The following LMOD1 variants were observed in gnomAD, a reference collection of about 807,000 sequenced individuals.
LMOD1 encodes leiomodin-1.
LMOD1 carries 8 observed loss-of-function variants against 36.5 expected under a neutral mutation model. That is an observed-to-expected ratio of 0.22 (90% CI 0.13 to 0.40). The LOEUF is 0.40. Ranked by LOEUF, LMOD1 falls within the 10% of genes least tolerant of loss-of-function variation. The pLI is 1.00. For synonymous variants in LMOD1, 284 were observed against 288.7 expected (o/e 0.98, Z 0.17); for missense variants, 630 against 751.1 (o/e 0.84, Z 1.88).
chr1:201,918,701 G>A (rs1346795003), intron 1 of LMOD1, among the ~76,000 whole-genome samples: 1 of 152,066 alleles, frequency 6.6e-6, no homozygotes, highest in African/African-American at 2.4e-5. Context: ...TTTATATGTG[G>A]AAAAGTTCGA....
chr1:201,903,923 C>T (rs907203854), intron 1 of LMOD1, among the ~76,000 whole-genome samples: 12 of 152,216 alleles, frequency 7.9e-5, no homozygotes, highest in African/African-American at 2.9e-4. Context: ...AGTTAACTGA[C>T]TTCACCTAGC....
chr1:201,907,933 G>C (rs1364623811), intron 1 of LMOD1, among the ~76,000 whole-genome samples: 1 of 152,178 alleles, frequency 6.6e-6, no homozygotes, highest in South Asian at 2.1e-4. Context: ...CCGACCAGGG[G>C]ACAAGTTCAC....
At chr1:201,910,191 G>A (rs569310432) in intron 1 of LMOD1, among the ~76,000 whole-genome samples, 33 of 152,226 alleles carry the variant, frequency 2.2e-4, no homozygotes, top group African/African-American at 7.9e-4. Flanking sequence ...AGCCCTTTTG[G>A]GCTGCTGGGA....
At chr1:201,932,254 G>C (rs898311204) in intron 1 of LMOD1, among the ~76,000 whole-genome samples, 12 of 152,110 alleles carry the variant, frequency 7.9e-5, no homozygotes, top group African/African-American at 2.9e-4. Context: ...ACTGAGAGTA[G>C]GTAAGGCTAG....
chr1:201,909,597 C>A lies in LMOD1; in HGVS notation c.262-8846G>T, dbSNP rs755517401. Among the ~76,000 whole-genome samples the A allele has an allele frequency of 5.9e-4, 90 of 152,300 alleles. No homozygotes were observed. In the Middle Eastern group the frequency reaches 0.017, roughly 29 times the overall value. On this transcript the variant is annotated intron_variant, in intron 1 of 2. Coordinates refer to ENST00000367288, the MANE Select transcript of LMOD1 (RefSeq NM_012134.3). ...TCCCCATCCCTGGTCGCCAGTCCAC[C>A]TGAGAAGTCAAGTTCCACAACCTGA...
intron 1 of LMOD1, among the ~76,000 whole-genome samples, chr1:201,909,243 C>A (rs1489122563): frequency 6.6e-6 from 1 of 152,130 alleles, no homozygotes; most frequent in Non-Finnish European, 1.5e-5. Flanking sequence ...GTGTGTGAGG[C>A]AACTCGTGGG....
Position 201,946,128 on chromosome 1 carries a change from G to A in LMOD1, c.213C>T (p.Phe71=). The part of the protein sequence containing the change: ...GVYNREAMLN[F]CEKETKKLMQ... ...TAAGTTTCTTGGTCTCCTTTTCACA[G>A]AAGTTGAGCATGGCCTCCCGGTTGT... The change falls in exon 1 of 3, where the codon TTC becomes TTT. Residue 71 remains phenylalanine, a synonymous_variant. Transcript: ENST00000367288. 5 of 1,613,966 alleles carry A rather than the reference G, an allele frequency of 3.1e-6. No homozygotes were observed. The highest frequency in any genetic ancestry group is 4.2e-6 in the Non-Finnish European group (5 of 1,179,886).
chr1:201,901,343 A>C (rs1681295890), intron 1 of LMOD1, among the ~76,000 whole-genome samples: 1 of 150,892 alleles, frequency 6.6e-6, no homozygotes, highest in South Asian at 2.1e-4. Context: ...GTGTCTACTA[A>C]AATACAAAAT....
At chr1:201,901,075 A>G (rs1306167671) in intron 1 of LMOD1, among the ~76,000 whole-genome samples, 1 of 152,200 alleles carries the variant, frequency 6.6e-6, no homozygotes, top group Non-Finnish European at 1.5e-5. Context: ...GGTGATTTAG[A>G]AGGACTGCTT....
intron 1 of LMOD1, among the ~76,000 whole-genome samples, chr1:201,945,332 T>C (rs1682185327): frequency 6.6e-6 from 1 of 152,202 alleles, no homozygotes; most frequent in East Asian, 1.9e-4. Flanking sequence ...TATGACTATC[T>C]TCAACCCCCA....
chr1:201,900,589 C>A lies in LMOD1; in HGVS notation c.424G>T (p.Gly142Cys), dbSNP rs1288846800. 1 of 1,613,892 alleles carries A rather than the reference C, an allele frequency of 6.2e-7. No individual in the cohort carries two copies. Among genetic ancestry groups the A allele is most frequent in the Non-Finnish European group, 8.5e-7 (1 of 1,179,892 alleles). The change falls in exon 2 of 3, where the codon GGT (glycine) becomes TGT (cysteine). Residue 142 changes from glycine (G) to cysteine (C), a missense_variant. By Grantham distance (159) the Gly-to-Cys change is radical (BLOSUM62 -3). Coordinates refer to ENST00000367288, the MANE Select transcript of LMOD1 (RefSeq NM_012134.3). ...KSFSRDRDEA[G>C]GKSGEKPKEE... Reference sequence around the variant, plus strand: ...TTGGGCTTCTCGCCACTCTTGCCACCAGCTTCATCTCTGTCTCTAGAGAAG... The same window carrying A: ...TTGGGCTTCTCGCCACTCTTGCCACAAGCTTCATCTCTGTCTCTAGAGAAG...
chr1:201,923,603 C>T (rs927296335), intron 1 of LMOD1, among the ~76,000 whole-genome samples: 3 of 152,142 alleles, frequency 2.0e-5, no homozygotes, highest in African/African-American at 4.8e-5. Flanking sequence ...TGTCTCATGC[C>T]TGTAATCCCA....
chr1:201,931,309 T>C (rs1681914100), intron 1 of LMOD1, among the ~76,000 whole-genome samples: 1 of 152,144 alleles, frequency 6.6e-6, no homozygotes, highest in African/African-American at 2.4e-5. Context: ...CCAAGACAGA[T>C]GGATCACTTG....
At chr1:201,929,924 A>G (rs1016843639) in intron 1 of LMOD1, among the ~76,000 whole-genome samples, 1 of 152,170 alleles carries the variant, frequency 6.6e-6, no homozygotes, top group African/African-American at 2.4e-5. Context: ...GGAGCACACA[A>G]CTTAGGCTGG....
At chr1:201,916,156 G>A (rs935528648) in intron 1 of LMOD1, among the ~76,000 whole-genome samples, 14 of 151,950 alleles carry the variant, frequency 9.2e-5, no homozygotes, top group South Asian at 2.1e-4. Context: ...GGGCTCAAGC[G>A]ATCCACACAC....
chr1:201,908,531 T>G (rs912397071), intron 1 of LMOD1, among the ~76,000 whole-genome samples: 1 of 152,118 alleles, frequency 6.6e-6, no homozygotes, highest in African/African-American at 2.4e-5. Context: ...TGGAGCACAG[T>G]TAATCCCCTG....
Position 201,901,517 on chromosome 1 carries a change from T to A in LMOD1, c.262-766A>T, listed in dbSNP as rs1415145554. Reference sequence around the variant, plus strand: ...AACTCTGTCTCAAAAAAAAAATATATATATATATATATGTATATATATATA... The same window carrying A: ...AACTCTGTCTCAAAAAAAAAATATAAATATATATATATGTATATATATATA... On this transcript the variant is annotated intron_variant, in intron 1 of 2. Transcript: ENST00000367288. 9.4e-4 allele frequency among the ~76,000 whole-genome samples: 62 copies of A among 66,088 alleles called. 4 individuals are homozygous for A. The highest frequency in any genetic ancestry group is 4.5e-3 in the African/African-American group (58 of 12,856). 43.4% of individuals were successfully genotyped at this position (66,088 alleles called of 152,430 possible). A position where few individuals can be genotyped will look rare whatever the true frequency, so the allele number is the denominator to read the frequency against.
chr1:201,926,164 G>T (rs568176730), intron 1 of LMOD1, among the ~76,000 whole-genome samples: 1 of 152,290 alleles, frequency 6.6e-6, no homozygotes, highest in East Asian at 1.9e-4. Flanking sequence ...CTTGGCAGAT[G>T]GTCCAATATT....
intron 1 of LMOD1, among the ~76,000 whole-genome samples, chr1:201,933,736 G>C (rs923742767): frequency 6.6e-6 from 1 of 151,068 alleles, no homozygotes; most frequent in Non-Finnish European, 1.5e-5. Flanking sequence ...TGTTCATTTT[G>C]TGATAATTCA....
Sources: allele counts gnomAD v4.1 joint callset (sites outside exome capture counted in the v4.1 genomes callset), GRCh38; gene constraint gnomAD v4.1.1; transcripts MANE v1.5; gene names NCBI Gene and HGNC (gene_info 2026-07-23, HGNC 2026-07-21).